RNF121: variants seen among roughly 807,000 people sequenced by gnomAD.
RNF121 encodes ring finger protein 121, also known as E3 ubiquitin ligase RNF121.
In RNF121, 21 loss-of-function variants were observed where a neutral mutation model predicts 46.5. The observed-to-expected ratio is 0.45, with a 90% CI of 0.32 to 0.65. RNF121 has a LOEUF of 0.65. Among genes scored for constraint, RNF121 ranks in the 30% least tolerant of loss-of-function variants. The pLI is 0.04. For synonymous variants in RNF121, 139 were observed against 144.7 expected, an observed-to-expected ratio of 0.96 and a Z score of 0.28; for missense variants, 346 against 416.0, an observed-to-expected ratio of 0.83 and a Z score of 1.46.
At chr11:71,986,772 A>G (rs1367986704) in intron 4 of RNF121, among the ~76,000 whole-genome samples, 2 of 141,956 alleles carry the variant, frequency 1.4e-5, no homozygotes, top group Non-Finnish European at 3.0e-5. Context: ...CTCATCTCAA[A>G]AAAAAAAAAA....
In RNF121 at chr11:71,995,477, G is replaced by T. The variant is rs1954956150; in HGVS notation, c.789G>T (p.Trp263Cys). Reference protein sequence around the residue: ...HVFHEFCIRGWCIVGKKQTCP... With the variant: ...HVFHEFCIRGCCIVGKKQTCP... ...TCCACGAGTTCTGCATCCGTGGCTG[G>T]TGCATCGTGGGAAAGAAGCAAACGT... Residue 263 changes from tryptophan to cysteine, a missense_variant, in exon 8 of 9, where the codon TGG (tryptophan) becomes TGT (cysteine). Trp to Cys is a radical substitution (Grantham distance 215). Transcript: ENST00000361756. The T allele has an allele frequency of 6.3e-7, 1 of 1,590,024 alleles. No homozygotes were observed.
chr11:71,952,503 T>G (rs1023717812), intron 1 of RNF121, among the ~76,000 whole-genome samples: 4 of 152,212 alleles, frequency 2.6e-5, no homozygotes, highest in Non-Finnish European at 5.9e-5. Context: ...GGATACAGAC[T>G]GATGTTATAA....
In RNF121 at chr11:71,938,314, A is replaced by ATTTTTTTTT. The variant is rs71958930; in HGVS notation, c.63+9205_63+9213dup. On this transcript the variant is annotated intron_variant, in intron 1 of 8. Coordinates refer to ENST00000361756, the MANE Select transcript of RNF121 (RefSeq NM_018320.5). ...AGCATTTTACGTGTGTAGTCTCTTA[A>ATTTTTTTTT]TTTTTTTTTTTTTTTTTTTTTTTGA... is the stretch of plus-strand genomic sequence containing the variant. Among the ~76,000 whole-genome samples, 17 of 94,916 alleles carry ATTTTTTTTT rather than the reference A, an allele frequency of 1.8e-4. 1 individual carries two copies. The highest frequency in any genetic ancestry group is 3.2e-4 in the East Asian group (1 of 3,112). 62.3% of individuals were successfully genotyped at this position (94,916 alleles called of 152,430 possible). A position where few individuals can be genotyped will look rare whatever the true frequency, so the allele number is the denominator to read the frequency against.
chr11:71,947,586 A>G (rs1362758852), intron 1 of RNF121, among the ~76,000 whole-genome samples: 1 of 152,086 alleles, frequency 6.6e-6, no homozygotes, highest in African/African-American at 2.4e-5. Context: ...GATGAAAGAG[A>G]TAGATAGTTC....
At chr11:71,960,915 C>T (rs765963422) in intron 3 of RNF121, 24 bp downstream of exon 3, 1 of 1,610,052 alleles carries the variant, frequency 6.2e-7, no homozygotes, top group East Asian at 2.2e-5. Flanking sequence ...CCTCTTACTT[C>T]TTTGTCTGTC....
intron 1 of RNF121, among the ~76,000 whole-genome samples, chr11:71,947,288 A>G (rs533818424): frequency 6.6e-6 from 1 of 152,244 alleles, no homozygotes; most frequent in Admixed American, 6.5e-5. Flanking sequence ...CCGGAGGATC[A>G]CTTGAGCCCA....
intron 1 of RNF121, among the ~76,000 whole-genome samples, chr11:71,935,846 CTTTTTT>C (rs994241423): frequency 3.5e-5 from 4 of 114,724 alleles, no homozygotes; most frequent in South Asian, 2.8e-4. Flanking sequence ...TATTCTTTTT[CTTTTTT>C]TTTTTTTTTT....
At chr11:71,945,153 A>G (rs749664283) in intron 1 of RNF121, among the ~76,000 whole-genome samples, 2 of 151,726 alleles carry the variant, frequency 1.3e-5, no homozygotes, top group African/African-American at 2.4e-5. Flanking sequence ...ACACTTGGCT[A>G]ATTTTTAAAT....
chr11:71,971,211 C>T (rs1252728654), intron 3 of RNF121, among the ~76,000 whole-genome samples: 1 of 151,940 alleles, frequency 6.6e-6, no homozygotes, highest in Non-Finnish European at 1.5e-5. Context: ...TGGTCAAACC[C>T]TATCTCTACA....
intron 3 of RNF121, among the ~76,000 whole-genome samples, chr11:71,966,026 A>G (rs1376939621): frequency 6.6e-6 from 1 of 152,140 alleles, no homozygotes; most frequent in Non-Finnish European, 1.5e-5. Context: ...TATATTTGAT[A>G]CATTTTTTTT....
chr11:71,949,357 GCAGTGATCTGTGATTGCACTA>G, intron 1 of RNF121, among the ~76,000 whole-genome samples: 1 of 152,210 alleles, frequency 6.6e-6, no homozygotes, highest in African/African-American at 2.4e-5. Context: ...AGTCGACACT[GCAGTGATCTGTGATTGCACTA>G]CGGCACTCCA....
chr11:71,984,389 C>T (rs1954723902), intron 4 of RNF121, among the ~76,000 whole-genome samples: 1 of 151,450 alleles, frequency 6.6e-6, no homozygotes, highest in South Asian at 2.1e-4. Flanking sequence ...ACACCATTTT[C>T]CTGCCTCAGC....
Position 71,994,717 on chromosome 11 carries a change from A to G in RNF121, c.628-2A>G. ...TCTTTCCTTCCTGCTATTCTCCTTCAGTTCTACAGCGAGTCGGGCATGCCT... is the reference window on the plus strand; with the variant it reads ...TCTTTCCTTCCTGCTATTCTCCTTCGGTTCTACAGCGAGTCGGGCATGCCT... On this transcript the variant is annotated splice_acceptor_variant, in intron 6 of 8. Transcript: ENST00000361756. LOFTEE classifies it high-confidence loss of function. 1 of 1,614,014 alleles carries G rather than the reference A, an allele frequency of 6.2e-7. No individual in the cohort carries two copies. Among genetic ancestry groups the G allele is most frequent in the Non-Finnish European group, 8.5e-7 (1 of 1,179,996 alleles).
chr11:71,991,318 G>T (rs993439430), intron 6 of RNF121, among the ~76,000 whole-genome samples: 3 of 152,022 alleles, frequency 2.0e-5, no homozygotes, highest in African/African-American at 7.2e-5. Flanking sequence ...ACTTTATCCA[G>T]CAGGAAGTTA....
chr11:71,970,014 T>C (rs1954385755), intron 3 of RNF121, among the ~76,000 whole-genome samples: 1 of 152,236 alleles, frequency 6.6e-6, no homozygotes, highest in Non-Finnish European at 1.5e-5. Flanking sequence ...GGTTCATTTG[T>C]GGGTTCAGTA....
chr11:71,933,601 G>C (rs1401173401), intron 1 of RNF121, among the ~76,000 whole-genome samples: 2 of 152,134 alleles, frequency 1.3e-5, no homozygotes, highest in Non-Finnish European at 2.9e-5. Context: ...TGAAAACCAA[G>C]GATTTTTCTG....
intron 1 of RNF121, among the ~76,000 whole-genome samples, chr11:71,936,123 A>G (rs1018618712): frequency 9.9e-5 from 15 of 152,192 alleles, no homozygotes; most frequent in Middle Eastern, 3.4e-3. Flanking sequence ...CTGGGATTAT[A>G]GGCGTGAGAT....
intron 1 of RNF121, among the ~76,000 whole-genome samples, chr11:71,945,634 T>G (rs1953695152): frequency 6.6e-6 from 1 of 152,220 alleles, no homozygotes; most frequent in Non-Finnish European, 1.5e-5. Flanking sequence ...TATACCAGAT[T>G]ATGAGCTAGT....
At chr11:71,978,151 T>C (rs1272014241) in intron 3 of RNF121, 1 of 451,822 alleles carries the variant, frequency 2.2e-6, no homozygotes, top group East Asian at 7.2e-5. Flanking sequence ...TCCATCTGCC[T>C]CAGCCCCCCA....
Sources: gnomAD v4.1 joint callset for allele counts (sites outside exome capture counted in the v4.1 genomes callset) on GRCh38, gnomAD v4.1.1 for gene constraint, MANE v1.5 for transcripts, NCBI Gene and HGNC (gene_info 2026-07-23, HGNC 2026-07-21) for gene names.